The following DOCK5 variants were observed in gnomAD, a reference collection of about 807,000 sequenced individuals.
DOCK5 encodes the protein dedicator of cytokinesis protein 5.
In DOCK5, 142 loss-of-function variants were observed where a neutral mutation model predicts 251.8. That is an observed-to-expected ratio of 0.56 (90% CI 0.49 to 0.65). The LOEUF is 0.65. Among genes scored for constraint, DOCK5 ranks in the 30% least tolerant of loss-of-function variants. DOCK5 has a pLI of 0.00. For synonymous variants in DOCK5, 842 were observed against 835.5 expected, an observed-to-expected ratio of 1.01 and a Z score of -0.13; for missense variants, 2,111 against 2,312.3, an observed-to-expected ratio of 0.91 and a Z score of 1.79.
At chr8:25,310,842 T>C (rs965673310) in intron 13 of DOCK5, among the ~76,000 whole-genome samples, 1 of 152,212 alleles carries the variant, frequency 6.6e-6, no homozygotes, top group African/African-American at 2.4e-5. Flanking sequence ...TACACTGATA[T>C]ACGGTGTGCA....
chr8:25,280,262 C>T (rs1804155786), intron 5 of DOCK5, among the ~76,000 whole-genome samples: 1 of 152,134 alleles, frequency 6.6e-6, no homozygotes, highest in Non-Finnish European at 1.5e-5. Context: ...TGGGAACCCT[C>T]CTCTTTTCTT....
chr8:25,290,927 T>C (rs1041819181), intron 5 of DOCK5, among the ~76,000 whole-genome samples: 1 of 151,810 alleles, frequency 6.6e-6, no homozygotes, highest in African/African-American at 2.4e-5. Flanking sequence ...TGGCAGAGGG[T>C]GTAGTGTGAG....
intron 1 of DOCK5, among the ~76,000 whole-genome samples, chr8:25,203,092 A>G (rs756621839): frequency 2.2e-4 from 34 of 152,270 alleles, no homozygotes; most frequent in African/African-American, 7.9e-4. Flanking sequence ...GAATTCATGG[A>G]TGTGTGACCA....
intron 34 of DOCK5, 24 bp downstream of exon 34, chr8:25,369,665 T>G (rs562217944): frequency 1.3e-6 from 2 of 1,576,558 alleles, no homozygotes; most frequent in Non-Finnish European, 1.7e-6. Flanking sequence ...GAACGAAACC[T>G]GAAGTCAGTG....
chr8:25,241,472 C>T (rs71517811), intron 1 of DOCK5, among the ~76,000 whole-genome samples: 2,992 of 150,154 alleles, frequency 0.02, 47 homozygotes, highest in South Asian at 0.044. Flanking sequence ...AGCAAGACTC[C>T]GTCTCAAAAA....
At chr8:25,382,417 C>T (rs1229045304) in intron 39 of DOCK5, among the ~76,000 whole-genome samples, 1 of 152,184 alleles carries the variant, frequency 6.6e-6, no homozygotes, top group Non-Finnish European at 1.5e-5. Flanking sequence ...TGCCCCGTTA[C>T]GCAGAAGAAT....
At chr8:25,192,586 G>T (rs932943273) in intron 1 of DOCK5, among the ~76,000 whole-genome samples, 1 of 152,094 alleles carries the variant, frequency 6.6e-6, no homozygotes. Context: ...GCTCACTGCT[G>T]CCTGGACTTC....
chr8:25,186,214 T>C (rs1056752050), intron 1 of DOCK5, among the ~76,000 whole-genome samples: 1 of 152,120 alleles, frequency 6.6e-6, no homozygotes, highest in Non-Finnish European at 1.5e-5. Context: ...TGATCCTTTA[T>C]ATATTTATTA....
Position 25,374,563 on chromosome 8 carries a change from G to T in DOCK5, c.3726-1G>T. 1 of 1,597,508 alleles carries T rather than the reference G, an allele frequency of 6.3e-7. No individual in the cohort carries two copies. Among genetic ancestry groups the T allele is most frequent in the South Asian group, 1.1e-5 (1 of 88,882 alleles). The stretch of plus-strand genomic sequence containing the variant: ...ATGCTTCCTTCTCCCCTTCTTGCCA[G>T]ATATCTGTACAAGCTTCGAGATTTG... On this transcript the variant is annotated splice_acceptor_variant, in intron 36 of 51. Transcript: ENST00000276440. LOFTEE classifies it high-confidence loss of function.
intron 2 of DOCK5, among the ~76,000 whole-genome samples, chr8:25,254,773 C>CAA (rs745860086): frequency 0.09 from 587 of 6,536 alleles, 246 homozygotes; most frequent in South Asian, 0.11. Flanking sequence ...GACTTTGTCT[C>CAA]AAAAAAAAAC....
At chr8:25,289,224 T>G (rs1268325455) in intron 5 of DOCK5, among the ~76,000 whole-genome samples, 3 of 152,202 alleles carry the variant, frequency 2.0e-5, no homozygotes, top group African/African-American at 7.2e-5. Context: ...GTCCTTAGGA[T>G]CGTCATAGAA....
At chr8:25,379,251 C>G (rs1801021520) in intron 38 of DOCK5, among the ~76,000 whole-genome samples, 1 of 152,142 alleles carries the variant, frequency 6.6e-6, no homozygotes, top group South Asian at 2.1e-4. Flanking sequence ...CTGCAGGAGA[C>G]TGTTTATTCT....
chr8:25,348,310 T>A (rs1319548775), intron 26 of DOCK5, among the ~76,000 whole-genome samples: 1 of 152,236 alleles, frequency 6.6e-6, no homozygotes, highest in East Asian at 1.9e-4. Context: ...TGTGAAGTTG[T>A]CTCTGGTGTG....
chr8:25,374,515 C>T, intron 36 of DOCK5, 49 bp from the exon 37 acceptor site: 1 of 1,545,912 alleles, frequency 6.5e-7, no homozygotes, highest in East Asian at 2.3e-5. Context: ...ACTAAAAAAC[C>T]TATAAAACTC....
At chr8:25,319,701 CT>C (rs1271682606) in intron 15 of DOCK5, 25 bp downstream of exon 15, 1 of 1,482,202 alleles carries the variant, frequency 6.7e-7, no homozygotes, top group Non-Finnish European at 9.2e-7. Flanking sequence ...TTTGTAACCC[CT>C]GTTATCTGTT....
chr8:25,375,625 T>C, intron 37 of DOCK5: 1 of 927,938 alleles, frequency 1.1e-6, no homozygotes, highest in Non-Finnish European at 1.3e-6. Context: ...GCCTCCTGTT[T>C]GGTGTCTCTG....
At position 25,345,504 on chromosome 8, in the gene DOCK5, A is replaced by T. The variant is rs756303215; in HGVS notation, c.2647A>T (p.Thr883Ser). The change falls in exon 26 of 52, where the codon ACA (threonine) becomes TCA (serine). Residue 883 changes from threonine to serine, a missense_variant. By Grantham distance (58) the Thr-to-Ser change is moderately conservative (BLOSUM62 1). Coordinates refer to ENST00000276440, the MANE Select transcript of DOCK5 (RefSeq NM_024940.8). ...ECREVLLPLL[T>S]DQLSGQLDDN... The stretch of plus-strand genomic sequence containing the variant: ...CAGAGAAGTGCTGCTGCCACTGCTG[A>T]CAGACCAGCTCAGCGGCCAGTTAGA... 3 of 1,613,852 alleles carry T rather than the reference A, an allele frequency of 1.9e-6. No homozygotes were observed.
chr8:25,335,632 C>T (rs1271822668), intron 21 of DOCK5, among the ~76,000 whole-genome samples: 2 of 152,162 alleles, frequency 1.3e-5, no homozygotes, highest in East Asian at 1.9e-4. Flanking sequence ...CAGTGCCCTC[C>T]AAAGTCTAAG....
intron 28 of DOCK5, among the ~76,000 whole-genome samples, chr8:25,362,558 C>G (rs951583465): frequency 1.3e-5 from 2 of 149,068 alleles, no homozygotes; most frequent in Non-Finnish European, 3.0e-5. Context: ...CCTCTGCCTC[C>G]TGGGTTCAAG....
Sources: gnomAD v4.1 joint callset for allele counts (sites outside exome capture counted in the v4.1 genomes callset) on GRCh38, gnomAD v4.1.1 for gene constraint, MANE v1.5 for transcripts, NCBI Gene and HGNC (gene_info 2026-07-23, HGNC 2026-07-21) for gene names.